The following FN1 variants were observed in gnomAD, a reference collection of about 807,000 sequenced individuals.
FN1 encodes the protein fibronectin 1, also known as fibronectin.
FN1 carries 106 observed loss-of-function variants against 297.3 expected under a neutral mutation model. The ratio of observed to expected loss-of-function variants is 0.36; its 90% CI spans 0.30 to 0.42. The LOEUF is 0.42. Ranked by LOEUF, FN1 falls within the 10% of genes least tolerant of loss-of-function variation. FN1 has a pLI of 1.00. For synonymous variants in FN1, 1,149 were observed against 1,152.6 expected, an observed-to-expected ratio of 1.00 and a Z score of 0.06; for missense variants, 2,690 against 3,124.9, an observed-to-expected ratio of 0.86 and a Z score of 3.32.
intron 20 of FN1, among the ~76,000 whole-genome samples, chr2:215,401,235 A>AAGGAAGG (rs1559475044): frequency 4.3e-4 from 25 of 58,042 alleles, no homozygotes; most frequent in African/African-American, 1.4e-3. Flanking sequence ...AGAAAGAAAG[A>AAGGAAGG]AAGAAAGAAA....
In FN1 at chr2:215,367,909, GCACAA is replaced by G; in HGVS notation, c.6967_6971del (p.Leu2323ProfsTer13). The stretch of plus-strand genomic sequence containing the variant: ...GACCACTTCCAAAGCCTAAGCACTG[GCACAA>G]CAGTTTAAAGCCTGATTCAGACATT... On this transcript the variant is annotated frameshift_variant, in exon 42 of 46. Transcript: ENST00000354785. LOFTEE classifies it high-confidence loss of function. The G allele has an allele frequency of 6.2e-7, 1 of 1,614,092 alleles. No homozygotes were observed. The highest frequency in any genetic ancestry group is 2.2e-5 in the East Asian group (1 of 44,874).
chr2:215,367,692 C>T (rs1282006360), intron 42 of FN1, 171 bp downstream of exon 42: 4 of 695,728 alleles, frequency 5.7e-6, no homozygotes, highest in Non-Finnish European at 1.0e-5. Flanking sequence ...AGTAAAATTT[C>T]CCATCATTTT....
intron 13 of FN1, among the ~76,000 whole-genome samples, chr2:215,413,631 C>G (rs1458066129): frequency 6.6e-6 from 1 of 152,292 alleles, no homozygotes; most frequent in African/African-American, 2.4e-5. Context: ...GCAGTTGTTG[C>G]ATTGCAAAGT....
rs1368364753 is a variant in FN1 at position 215,406,399 on chromosome 2, A to G, written c.2825T>C (p.Ile942Thr). The change falls in exon 19 of 46, where the codon ATC (isoleucine) becomes ACC (threonine). Residue 942 changes from isoleucine (I) to threonine (T), a missense_variant. Physicochemically the swap from Ile to Thr is moderately conservative, Grantham distance 89. Around this residue, in one of 3 missense-constraint regions of FN1, gnomAD observed 1,743 missense variants for 1,945.2 expected, o/e 0.90. Transcript: ENST00000354785. Reference protein sequence around the residue: ...SAVTGYRVDVIPVNLPGEHGQ... With the variant: ...SAVTGYRVDVTPVNLPGEHGQ... ...GTGCTCGCCAGGCAGGTTGACGGGG[A>G]TCACATCCACACGGTAGCCGGTCAC... The G allele has an allele frequency of 6.2e-7, 1 of 1,614,026 alleles. No homozygotes were observed. Among genetic ancestry groups the G allele is most frequent in the Non-Finnish European group, 8.5e-7 (1 of 1,180,032 alleles).
At chr2:215,424,360 A>T (rs150199743) in intron 7 of FN1, 35 bp from the exon 8 acceptor site, 16 of 1,578,606 alleles carry the variant, frequency 1.0e-5, no homozygotes, top group Non-Finnish European at 1.4e-5. Context: ...CAGTAAACAG[A>T]GATGCTTTAT....
Position 215,383,434 on chromosome 2 carries a change from G to T in FN1, c.4944C>A (p.Ser1648Arg). The change falls in exon 31 of 46, where the codon AGC (serine) becomes AGA (arginine). Residue 1648 changes from serine (S) to arginine (R), a missense_variant. Ser to Arg is a moderately radical substitution (Grantham distance 110, BLOSUM62 -1). This residue lies in a region of FN1 where 1,743 missense variants were observed against 1,945.2 expected (regional missense o/e 0.90). Transcript: ENST00000354785. ...QMQVTDVQDN[S>R]ISVKWLPSSS... Reference sequence around the variant, plus strand: ...TTGAAGGCAGCCACTTGACACTAATGCTGTTGTCCTGAACATCGGTCACTT... The same window carrying T: ...TTGAAGGCAGCCACTTGACACTAATTCTGTTGTCCTGAACATCGGTCACTT... The T allele has an allele frequency of 6.2e-7, 1 of 1,614,066 alleles. No homozygotes were observed. Among genetic ancestry groups the T allele is most frequent in the Non-Finnish European group, 8.5e-7 (1 of 1,179,964 alleles).
chr2:215,387,838 A>G (rs534139622), intron 27 of FN1, among the ~76,000 whole-genome samples: 24 of 152,362 alleles, frequency 1.6e-4, no homozygotes, highest in African/African-American at 4.3e-4. Context: ...TTAAGTAAAA[A>G]GAAAATGTAA....
Position 215,431,825 on chromosome 2 carries a change from T to TCACA in FN1, c.547+4_547+7dup. On this transcript the variant is annotated splice_region_variant and intron_variant, in intron 4 of 45. Transcript: ENST00000354785. ...CCCAGCTCTTGCTCAGCCCTAAGACTCACACACCTATGGGCTTGCAGGTCC... is the reference window on the plus strand; with the variant it reads ...CCCAGCTCTTGCTCAGCCCTAAGACTCACACACACACCTATGGGCTTGCAGGTCC... The TCACA allele has an allele frequency of 6.2e-7, 1 of 1,614,084 alleles. No individual in the cohort carries two copies. The highest frequency in any genetic ancestry group is 1.3e-5 in the African/African-American group (1 of 75,036).
In FN1 at chr2:215,390,129, G is replaced by C. The variant is rs186113143; in HGVS notation, c.4252+1503C>G. Among the ~76,000 whole-genome samples, 9 of 152,266 alleles carry C rather than the reference G, an allele frequency of 5.9e-5. No individual in the cohort carries two copies. In the East Asian group the frequency reaches 1.7e-3, roughly 29 times the overall value. ...CCTGGATTCCATTTCCACCATACTA[G>C]CTGGCCAGTGGCAATTTACTTAACT... is the stretch of plus-strand genomic sequence containing the variant. On this transcript the variant is annotated intron_variant, in intron 26 of 45. Transcript: ENST00000354785.
chr2:215,386,489 G>A (rs539669092), intron 28 of FN1, among the ~76,000 whole-genome samples, 200 bp downstream of exon 28: 5 of 151,382 alleles, frequency 3.3e-5, no homozygotes, highest in Admixed American at 6.6e-5. Flanking sequence ...CACCACGCCC[G>A]GGCTTCTTTA....
chr2:215,415,015 A>C, intron 12 of FN1, 57 bp from the exon 13 acceptor site: 1 of 1,354,958 alleles, frequency 7.4e-7, no homozygotes, highest in Non-Finnish European at 1.1e-6. Flanking sequence ...TTCAACTTAA[A>C]ACTGTGTACA....
rs572993273 is a variant in FN1, at chr2:215,394,788, C to T, written c.3605-69G>A. 15 of 1,208,344 alleles carry T rather than the reference C, an allele frequency of 1.2e-5. No individual in the cohort carries two copies. In the African/African-American group the frequency reaches 1.3e-4, roughly 11 times the overall value. The allele number at this position is 1,208,344 out of a possible 1,614,324, so 74.9% of individuals were successfully genotyped here. Reference sequence around the variant, plus strand: ...GAGCCAGAGCATATTTAACTAGACTCCAATGATGGATTCACAGGGCGGAAT... The same window carrying T: ...GAGCCAGAGCATATTTAACTAGACTTCAATGATGGATTCACAGGGCGGAAT... On this transcript the variant is annotated intron_variant, in intron 23 of 45. Coordinates refer to ENST00000354785, the MANE Select transcript of FN1 (RefSeq NM_212482.4).
chr2:215,428,854 T>C (rs1294633683), intron 5 of FN1, among the ~76,000 whole-genome samples: 2 of 151,766 alleles, frequency 1.3e-5, no homozygotes, highest in Non-Finnish European at 2.9e-5. Flanking sequence ...CTACTAAAAA[T>C]ACCAAAAAAA....
At chr2:215,373,744 A>G (rs1575284826) in intron 38 of FN1, among the ~76,000 whole-genome samples, 1 of 137,146 alleles carries the variant, frequency 7.3e-6, no homozygotes, top group South Asian at 2.2e-4. Context: ...CAGTGGTGCT[A>G]TCTCGGCTCA....
chr2:215,401,311 A>G (rs1256623255), intron 20 of FN1, among the ~76,000 whole-genome samples: 2 of 151,056 alleles, frequency 1.3e-5, no homozygotes, highest in East Asian at 1.9e-4. Flanking sequence ...AAAGGAAGGA[A>G]GGAAGGAAAG....
rs112628601 is a variant in FN1, at chr2:215,362,491, G to A, written c.7252-412C>T. ...TTCTCATTTTATAGGTAAGGAAACAGAGACCCAGAGGAGAGGAGTGACTTG... is the reference window on the plus strand; with the variant it reads ...TTCTCATTTTATAGGTAAGGAAACAAAGACCCAGAGGAGAGGAGTGACTTG... On this transcript the variant is annotated intron_variant, in intron 44 of 45. Coordinates refer to ENST00000354785, the MANE Select transcript of FN1 (RefSeq NM_212482.4). 865 of 251,856 alleles carry A rather than the reference G, an allele frequency of 3.4e-3. 6 individuals are homozygous for A. The highest frequency in any genetic ancestry group is 0.018 in the African/African-American group (809 of 44,358). The allele number at this position is 251,856 out of a possible 1,614,324, so 15.6% of individuals were successfully genotyped here. A position where few individuals can be genotyped will look rare whatever the true frequency, so the allele number is the denominator to read the frequency against.
chr2:215,411,665 CTTT>C (rs11367419), intron 13 of FN1, among the ~76,000 whole-genome samples: 14 of 120,142 alleles, frequency 1.2e-4, no homozygotes, highest in East Asian at 2.8e-4. Context: ...ATTCAATGTA[CTTT>C]TTTTTTTTTT....
chr2:215,388,123 G>T, intron 27 of FN1, 89 bp downstream of exon 27: 2 of 939,784 alleles, frequency 2.1e-6, no homozygotes, highest in Non-Finnish European at 3.5e-6. Flanking sequence ...ACAAAAAATG[G>T]AGATGTATTT....
At chr2:215,407,400 T>G (rs2061908273) in intron 17 of FN1, 79 bp from the exon 18 acceptor site, 2 of 1,182,010 alleles carry the variant, frequency 1.7e-6, no homozygotes, top group Admixed American at 1.7e-5. Context: ...TCCTCCCTTT[T>G]CTAATATCCC....
Sources: gnomAD v4.1 joint callset for allele counts (sites outside exome capture counted in the v4.1 genomes callset) on GRCh38, gnomAD v4.1.1 for gene constraint, gnomAD v4.1.1 regional missense constraint, MANE v1.5 for transcripts, NCBI Gene and HGNC (gene_info 2026-07-23, HGNC 2026-07-21) for gene names.